Variants in RAB6B observed in about 807,000 individuals in gnomAD.
RAB6B encodes the protein RAB6B, member RAS oncogene family.
In RAB6B, 7 loss-of-function variants were observed where a neutral mutation model predicts 31.2. The ratio of observed to expected loss-of-function variants is 0.22; its 90% CI spans 0.13 to 0.42. The LOEUF is 0.42. Among genes scored for constraint, RAB6B ranks in the 10% least tolerant of loss-of-function variants. The pLI, the probability that RAB6B is intolerant of heterozygous loss-of-function variation, is 1.00. For missense variants in RAB6B, 149 were observed against 280.6 expected (o/e 0.53, Z 3.35); for synonymous variants, 105 against 104.9 (o/e 1.00, Z -0.01).
At position 133,824,986 on chromosome 3, in the gene RAB6B, A is replaced by AGTT. The variant is rs536007146; in HGVS notation, c.*3799_*3801dup. On this transcript the variant is annotated 3_prime_UTR_variant, in exon 8 of 8. Transcript: ENST00000285208. ...GGTTTTCCTGCCTGTAGACAGGAAA[A>AGTT]GTTGTGACAGCTCTGCTTCACATAG... 46 of 152,238 alleles carry AGTT rather than the reference A, an allele frequency of 3.0e-4. 1 individual carries two copies. Among genetic ancestry groups the AGTT allele is most frequent in the African/African-American group, 1.1e-3 (46 of 41,536 alleles). 9.4% of individuals were successfully genotyped at this position (152,238 alleles called of 1,614,324 possible).
chr3:133,828,667 G>C lies in RAB6B; in HGVS notation c.*121C>G. ...CCATCCCACCCTACTCCTAAAGACA[G>C]AGAGAAAAGAAAAATCCTCCCATCT... is the stretch of plus-strand genomic sequence containing the variant. On this transcript the variant is annotated 3_prime_UTR_variant, in exon 8 of 8. Coordinates refer to ENST00000285208, the MANE Select transcript of RAB6B (RefSeq NM_016577.4). 4 of 642,068 alleles carry C rather than the reference G, an allele frequency of 6.2e-6. No individual in the cohort carries two copies. The highest frequency in any genetic ancestry group is 8.1e-6 in the Non-Finnish European group (3 of 372,636). The allele number at this position is 642,068 out of a possible 1,614,324, so 39.8% of individuals were successfully genotyped here.
At chr3:133,878,838 G>C (rs143094606) in intron 1 of RAB6B, among the ~76,000 whole-genome samples, 1 of 152,300 alleles carries the variant, frequency 6.6e-6, no homozygotes, top group East Asian at 1.9e-4. Context: ...TCTATACCTA[G>C]CAAAAATCTT....
chr3:133,860,742 A>T (rs887879086), intron 2 of RAB6B, among the ~76,000 whole-genome samples: 21 of 152,110 alleles, frequency 1.4e-4, no homozygotes, highest in Admixed American at 3.3e-4. Context: ...ATGCTCCTCC[A>T]CTCTGAGAGT....
chr3:133,886,972 T>C (rs1054084333), intron 1 of RAB6B, among the ~76,000 whole-genome samples: 1 of 104,022 alleles, frequency 9.6e-6, no homozygotes, highest in Non-Finnish European at 1.9e-5. Context: ...AGCAGAGGGG[T>C]GGGCTGAGGT....
At chr3:133,895,350 C>T (rs765457715) in intron 1 of RAB6B, 47 bp downstream of exon 1, 1 of 1,587,782 alleles carries the variant, frequency 6.3e-7, no homozygotes, top group East Asian at 2.3e-5. Flanking sequence ...GATTGGGCGG[C>T]GGGGGTCGAC....
chr3:133,867,810 G>A (rs1936258908), intron 1 of RAB6B, among the ~76,000 whole-genome samples: 1 of 152,146 alleles, frequency 6.6e-6, no homozygotes, highest in Non-Finnish European at 1.5e-5. Context: ...CCCAACTCAG[G>A]CTTGAAATGG....
chr3:133,841,233 G>A (rs1162140729), intron 4 of RAB6B, 52 bp downstream of exon 4: 3 of 1,571,430 alleles, frequency 1.9e-6, no homozygotes, highest in Non-Finnish European at 2.6e-6. Flanking sequence ...GTCACACCTG[G>A]GCCCTGGACC....
intron 1 of RAB6B, among the ~76,000 whole-genome samples, chr3:133,881,202 G>A (rs999549714): frequency 2.0e-5 from 3 of 152,156 alleles, no homozygotes; most frequent in African/African-American, 7.2e-5. Context: ...GCGAGCTCTG[G>A]GTCCCTAAGG....
At chr3:133,857,230 T>A (rs1212010207) in intron 2 of RAB6B, among the ~76,000 whole-genome samples, 1 of 152,034 alleles carries the variant, frequency 6.6e-6, no homozygotes, top group Non-Finnish European at 1.5e-5. Context: ...TGAGCCATAG[T>A]TCAAATACAA....
chr3:133,886,031 G>A (rs553515433), intron 1 of RAB6B, among the ~76,000 whole-genome samples: 2 of 152,200 alleles, frequency 1.3e-5, no homozygotes, highest in Admixed American at 6.5e-5. Context: ...TGCCTGCAGG[G>A]AGGTCCTCCA....
intron 1 of RAB6B, among the ~76,000 whole-genome samples, chr3:133,877,479 A>G (rs1463275996): frequency 6.6e-6 from 1 of 152,176 alleles, no homozygotes; most frequent in Non-Finnish European, 1.5e-5. Context: ...TGGGCCTCAC[A>G]GTGGGTAATA....
intron 1 of RAB6B, among the ~76,000 whole-genome samples, chr3:133,866,334 T>C (rs2108004725): frequency 6.6e-6 from 1 of 152,280 alleles, no homozygotes; most frequent in Non-Finnish European, 1.5e-5. Context: ...GGCTGGGATG[T>C]GGCTGCCTGA....
chr3:133,846,285 A>G (rs958235726), intron 2 of RAB6B, among the ~76,000 whole-genome samples: 10 of 152,178 alleles, frequency 6.6e-5, no homozygotes, highest in South Asian at 2.1e-4. Context: ...CATCTCTACT[A>G]AAAATACAAA....
At chr3:133,884,540 C>T (rs1035058499) in intron 1 of RAB6B, among the ~76,000 whole-genome samples, 2 of 152,182 alleles carry the variant, frequency 1.3e-5, no homozygotes, top group African/African-American at 4.8e-5. Flanking sequence ...GTGATGGAAC[C>T]CAGCAGACAG....
intron 1 of RAB6B, among the ~76,000 whole-genome samples, chr3:133,893,461 G>A (rs1034126977): frequency 3.3e-5 from 5 of 152,156 alleles, no homozygotes; most frequent in African/African-American, 1.2e-4. Context: ...TGGGAGCAAA[G>A]GGGGTCTGTG....
At chr3:133,860,187 C>G (rs1936140014) in intron 2 of RAB6B, among the ~76,000 whole-genome samples, 1 of 152,196 alleles carries the variant, frequency 6.6e-6, no homozygotes, top group South Asian at 2.1e-4. Context: ...CCACTTGGAA[C>G]TTCAGAATAT....
intron 1 of RAB6B, among the ~76,000 whole-genome samples, chr3:133,887,786 G>A (rs1209131950): frequency 6.6e-6 from 1 of 152,168 alleles, no homozygotes; most frequent in African/African-American, 2.4e-5. Flanking sequence ...AGAGTAGGTG[G>A]GAACCAGCCA....
In RAB6B at chr3:133,828,003, C is replaced by T; in HGVS notation, c.*785G>A. 1.4e-6 allele frequency: 1 copy of T among 702,842 alleles called. No individual in the cohort carries two copies. Among genetic ancestry groups the T allele is most frequent in the Non-Finnish European group, 2.6e-6 (1 of 384,968 alleles). 43.5% of individuals were successfully genotyped at this position (702,842 alleles called of 1,614,324 possible). A position where few individuals can be genotyped will look rare whatever the true frequency, so the allele number is the denominator to read the frequency against. On this transcript the variant is annotated 3_prime_UTR_variant, in exon 8 of 8. Transcript: ENST00000285208. ...AACAGCACCTCGTCCTTCTGATGGC[C>T]TCTTGCTCTGCCAGTCCCTGAGGGC...
chr3:133,895,351 G>A, intron 1 of RAB6B, 46 bp downstream of exon 1: 3 of 1,588,644 alleles, frequency 1.9e-6, no homozygotes, highest in Non-Finnish European at 2.6e-6. Context: ...ATTGGGCGGC[G>A]GGGGTCGACT....
Sources: allele counts gnomAD v4.1 joint callset (sites outside exome capture counted in the v4.1 genomes callset), GRCh38; gene constraint gnomAD v4.1.1; transcripts MANE v1.5; gene names NCBI Gene and HGNC (gene_info 2026-07-23, HGNC 2026-07-21).